Variants in CPNE8 observed in about 807,000 individuals in gnomAD.
CPNE8 encodes copine-8.
Under a neutral mutation model 81.5 loss-of-function variants are expected in CPNE8, and 45 were observed. The observed-to-expected ratio is 0.55, with a 90% CI of 0.44 to 0.71. CPNE8 has a LOEUF of 0.71. Ranked by LOEUF, CPNE8 falls within the 30% of genes least tolerant of loss-of-function variation. CPNE8 has a pLI of 0.00. For synonymous variants in CPNE8, 252 were observed against 226.3 expected, an observed-to-expected ratio of 1.11 and a Z score of -1.02; for missense variants, 594 against 672.1, an observed-to-expected ratio of 0.88 and a Z score of 1.28.
At chr12:38,864,005 G>A (rs1160130861) in intron 3 of CPNE8, among the ~76,000 whole-genome samples, 1 of 148,512 alleles carries the variant, frequency 6.7e-6, no homozygotes, top group African/African-American at 2.5e-5. Flanking sequence ...AGTGAGCCGA[G>A]ATTGCTCCAC....
At chr12:38,808,408 G>A (rs962173140) in intron 6 of CPNE8, among the ~76,000 whole-genome samples, 1 of 151,938 alleles carries the variant, frequency 6.6e-6, no homozygotes, top group Non-Finnish European at 1.5e-5. Context: ...TATACACCAT[G>A]GAATACTATG....
intron 3 of CPNE8, among the ~76,000 whole-genome samples, chr12:38,853,147 C>T (rs1389283179): frequency 1.3e-5 from 2 of 152,070 alleles, no homozygotes; most frequent in Non-Finnish European, 2.9e-5. Context: ...TAGCTATCAA[C>T]CAAGTGATTA....
chr12:38,689,404 T>A (rs1939617426), intron 15 of CPNE8, among the ~76,000 whole-genome samples: 1 of 152,186 alleles, frequency 6.6e-6, no homozygotes, highest in African/African-American at 2.4e-5. Flanking sequence ...CTGCAGCCTG[T>A]GACAGTTTTC....
intron 5 of CPNE8, among the ~76,000 whole-genome samples, chr12:38,831,495 A>C (rs1292192478): frequency 6.6e-6 from 1 of 152,226 alleles, no homozygotes; most frequent in African/African-American, 2.4e-5. Context: ...AAATGACAGG[A>C]TTTGGTGAAA....
At chr12:38,825,444 A>G (rs1943173453) in intron 6 of CPNE8, among the ~76,000 whole-genome samples, 1 of 152,200 alleles carries the variant, frequency 6.6e-6, no homozygotes, top group Admixed American at 6.5e-5. Flanking sequence ...TTAGGACTCC[A>G]TGGAGTGGAC....
intron 14 of CPNE8, among the ~76,000 whole-genome samples, chr12:38,698,851 T>C (rs1216869381): frequency 6.6e-6 from 1 of 152,248 alleles, no homozygotes; most frequent in South Asian, 2.1e-4. Flanking sequence ...TTCAATGTTC[T>C]TTTTCAAGTT....
chr12:38,779,600 G>T (rs1303252916), intron 6 of CPNE8, among the ~76,000 whole-genome samples: 2 of 152,050 alleles, frequency 1.3e-5, no homozygotes, highest in Non-Finnish European at 2.9e-5. Flanking sequence ...TTCAAACCAA[G>T]AATTACATTT....
At chr12:38,785,257 C>T (rs1424005590) in intron 6 of CPNE8, among the ~76,000 whole-genome samples, 1 of 150,748 alleles carries the variant, frequency 6.6e-6, no homozygotes, top group Non-Finnish European at 1.5e-5. Flanking sequence ...AACTCACTGA[C>T]TCACTGATAG....
At chr12:38,679,782 A>C (rs2136653029) in intron 16 of CPNE8, 1 of 667,172 alleles carries the variant, frequency 1.5e-6, no homozygotes, top group South Asian at 6.7e-5. Context: ...TTAAAGTATT[A>C]TCATTTCTTC....
At chr12:38,757,399 C>A (rs1051593627) in intron 10 of CPNE8, among the ~76,000 whole-genome samples, 4 of 151,632 alleles carry the variant, frequency 2.6e-5, no homozygotes, top group Non-Finnish European at 4.4e-5. Flanking sequence ...TCTTATTAGA[C>A]CACACATAAT....
chr12:38,850,845 A>G (rs574573904), intron 3 of CPNE8, among the ~76,000 whole-genome samples: 1 of 152,306 alleles, frequency 6.6e-6, no homozygotes, highest in South Asian at 2.1e-4. Flanking sequence ...ATCACTTTTT[A>G]TTAGGTTATT....
At chr12:38,776,099 C>T in intron 7 of CPNE8, 139 bp downstream of exon 7, 1 of 371,786 alleles carries the variant, frequency 2.7e-6, no homozygotes, top group East Asian at 4.3e-5. Context: ...GGCTAAGTAC[C>T]TAAAATGATA....
chr12:38,863,011 C>T (rs1266516921), intron 3 of CPNE8, among the ~76,000 whole-genome samples: 1 of 151,956 alleles, frequency 6.6e-6, no homozygotes, highest in East Asian at 1.9e-4. Flanking sequence ...TTGCAGTAAC[C>T]AATGACAGTT....
intron 3 of CPNE8, among the ~76,000 whole-genome samples, chr12:38,865,759 T>C (rs1318365406): frequency 2.6e-5 from 4 of 152,288 alleles, no homozygotes. Flanking sequence ...GATAAAAAGG[T>C]ATATTAAAAA....
At chr12:38,851,338 T>A (rs1027722896) in intron 3 of CPNE8, among the ~76,000 whole-genome samples, 1 of 152,172 alleles carries the variant, frequency 6.6e-6, no homozygotes, top group Non-Finnish European at 1.5e-5. Flanking sequence ...CTCAAAAGTA[T>A]CATCCAAACA....
At chr12:38,823,252 C>T (rs1275369745) in intron 6 of CPNE8, among the ~76,000 whole-genome samples, 1 of 152,150 alleles carries the variant, frequency 6.6e-6, no homozygotes, top group African/African-American at 2.4e-5. Context: ...CTGTTCCTCT[C>T]CCTGCTTTCA....
At chr12:38,754,524 C>T (rs907744716) in intron 10 of CPNE8, among the ~76,000 whole-genome samples, 2 of 151,404 alleles carry the variant, frequency 1.3e-5, no homozygotes, top group Non-Finnish European at 2.9e-5. Context: ...ATAATGAGTG[C>T]TCAATAACAA....
chr12:38,677,341 G>A, intron 17 of CPNE8, 111 bp downstream of exon 17: 1 of 653,228 alleles, frequency 1.5e-6, no homozygotes, highest in South Asian at 1.8e-5. Flanking sequence ...GCAATCTGCT[G>A]CAAAGGTGTG....
At chr12:38,861,877 T>A (rs1169692061) in intron 3 of CPNE8, among the ~76,000 whole-genome samples, 1 of 151,222 alleles carries the variant, frequency 6.6e-6, no homozygotes, top group East Asian at 2.0e-4. Flanking sequence ...TGAGCATTAC[T>A]TACAGAATTA....
Sources: gnomAD v4.1 joint callset for allele counts (sites outside exome capture counted in the v4.1 genomes callset) on GRCh38, gnomAD v4.1.1 for gene constraint, MANE v1.5 for transcripts, NCBI Gene and HGNC (gene_info 2026-07-23, HGNC 2026-07-21) for gene names.